The following DPYSL2 variants were observed in gnomAD, a reference collection of about 807,000 sequenced individuals.
DPYSL2 encodes the protein dihydropyrimidinase-related protein 2.
Under a neutral mutation model 69.9 loss-of-function variants are expected in DPYSL2, and 13 were observed. The ratio of observed to expected loss-of-function variants is 0.19; its 90% confidence interval spans 0.12 to 0.30. DPYSL2 has a LOEUF of 0.30. Ranked by LOEUF, DPYSL2 falls within the 10% of genes least tolerant of loss-of-function variation. The pLI is 1.00. For missense variants in DPYSL2, 587 were observed against 918.9 expected (o/e 0.64, Z 4.67); for synonymous variants, 326 against 359.1 (o/e 0.91, Z 1.04).
chr8:26,548,068 A>G, intron 1 of DPYSL2: 1 of 243,510 alleles, frequency 4.1e-6, no homozygotes, highest in Non-Finnish European at 8.5e-6. Context: ...TGGATCCAGC[A>G]TCTGATCCCC....
rs1802437810 is a variant in DPYSL2 at position 26,619,693 on chromosome 8, TG to T, written c.629-4446del. The T allele has an allele frequency of 6.6e-6, 1 of 152,234 alleles. No homozygotes were observed. The highest frequency in any genetic ancestry group is 2.1e-4 in the South Asian group (1 of 4,834). The allele number at this position is 152,234 out of a possible 1,614,324, so 9.4% of individuals were successfully genotyped here. ...TCTGGACCTGCAGCGTCAGAAACTCTGGGGTAAGGTCTGGGAACCTGTGTTT... is the reference window on the plus strand; with the variant it reads ...TCTGGACCTGCAGCGTCAGAAACTCTGGGTAAGGTCTGGGAACCTGTGTTT... On this transcript the variant is annotated intron_variant, in intron 3 of 13. Coordinates refer to ENST00000521913, the MANE Select transcript of DPYSL2 (RefSeq NM_001197293.3). This position sits in a 1 kb window ranked among gnomAD's most constrained non-coding sequence, Gnocchi z 4.8.
At chr8:26,543,853 C>T (rs34082400) in intron 1 of DPYSL2, among the ~76,000 whole-genome samples, 12,671 of 152,172 alleles carry the variant, frequency 0.083, 723 homozygotes, top group Non-Finnish European at 0.12. Context: ...ACTTTCAGGC[C>T]GGGCTGGTCT....
At chr8:26,615,816 G>A (rs1379171938) in intron 3 of DPYSL2, among the ~76,000 whole-genome samples, 1 of 152,172 alleles carries the variant, frequency 6.6e-6, no homozygotes, top group Non-Finnish European at 1.5e-5. Context: ...CCAGCTCTTA[G>A]GAAAATGCTT....
chr8:26,556,419 T>G (rs1800988398), intron 1 of DPYSL2, among the ~76,000 whole-genome samples: 1 of 119,358 alleles, frequency 8.4e-6, no homozygotes, highest in South Asian at 2.5e-4. Context: ...TATATGTAAT[T>G]GTCTATGTAA....
rs868020599 is a variant in DPYSL2 at position 26,514,768 on chromosome 8, G to A, written c.354+89G>A. On this transcript the variant is annotated intron_variant, in intron 1 of 13. Transcript: ENST00000521913. This position sits in a 1 kb window ranked among gnomAD's most constrained non-coding sequence, Gnocchi z 8.4. ...CTGAGCCCGGCGCGCCCGCCTTCAT[G>A]CCCCGCCCTGGACCTCGCCTCCCGC... The A allele has an allele frequency of 8.4e-7, 1 of 1,188,430 alleles. No individual in the cohort carries two copies. Among genetic ancestry groups the A allele is most frequent in the Non-Finnish European group, 1.1e-6 (1 of 905,096 alleles). 73.6% of individuals were successfully genotyped at this position (1,188,430 alleles called of 1,614,324 possible). A position where few individuals can be genotyped will look rare whatever the true frequency, so the allele number is the denominator to read the frequency against.
At chr8:26,646,961 T>C (rs1323895742) in intron 10 of DPYSL2, among the ~76,000 whole-genome samples, 1 of 150,736 alleles carries the variant, frequency 6.6e-6, no homozygotes, top group Admixed American at 6.6e-5. Flanking sequence ...CTAGCCTCAA[T>C]GACAGCAAGA....
chr8:26,624,421 C>T lies in DPYSL2; in HGVS notation c.793+114C>T. 1 of 1,337,744 alleles carries T rather than the reference C, an allele frequency of 7.5e-7. No individual in the cohort carries two copies. The highest frequency in any genetic ancestry group is 1.4e-5 in the South Asian group (1 of 72,946). 82.9% of individuals were successfully genotyped at this position (1,337,744 alleles called of 1,614,324 possible). A position where few individuals can be genotyped will look rare whatever the true frequency, so the allele number is the denominator to read the frequency against. The stretch of plus-strand genomic sequence containing the variant: ...CCAGATCCCATTTGTGCCTCATGCC[C>T]ATGCCTGCCCCTGGGAAGGAGAGAG... On this transcript the variant is annotated intron_variant, in intron 4 of 13. Coordinates refer to ENST00000521913, the MANE Select transcript of DPYSL2 (RefSeq NM_001197293.3). The surrounding 1 kb of genome is among the most constrained non-coding windows in gnomAD (Gnocchi z 4.7).
In DPYSL2 at chr8:26,531,499, C is replaced by T. The variant is rs553287140; in HGVS notation, c.354+16820C>T. On this transcript the variant is annotated intron_variant, in intron 1 of 13. Transcript: ENST00000521913. ...GATGAGATCAGTCAGGGAGAATGTG[C>T]GAGGTGGTAGAAAGAACATGGATGT... Among the ~76,000 whole-genome samples the T allele has an allele frequency of 1.1e-4, 17 of 152,162 alleles. No individual in the cohort carries two copies. The East Asian group carries it at 3.3e-3, about 29-fold the overall frequency.
At chr8:26,539,929 C>T (rs555120407) in intron 1 of DPYSL2, among the ~76,000 whole-genome samples, 2 of 152,228 alleles carry the variant, frequency 1.3e-5, no homozygotes, top group East Asian at 3.9e-4. Context: ...GACACCAACA[C>T]CAACATATGG....
intron 1 of DPYSL2, among the ~76,000 whole-genome samples, chr8:26,547,266 G>T (rs924306700): frequency 8.6e-5 from 13 of 151,994 alleles, no homozygotes; most frequent in Admixed American, 2.0e-4. Flanking sequence ...GGGTGGCTGA[G>T]GCAAGAAAAC....
chr8:26,607,504 G>C (rs529991691), intron 3 of DPYSL2, among the ~76,000 whole-genome samples: 1 of 136,990 alleles, frequency 7.3e-6, no homozygotes, highest in Non-Finnish European at 1.6e-5. Flanking sequence ...AAAAATCATT[G>C]TGGGGCTGGG....
At position 26,595,682 on chromosome 8, in the gene DPYSL2, G is replaced by A. The variant is rs141162614; in HGVS notation, c.628+11699G>A. Among the ~76,000 whole-genome samples, 179 of 152,358 alleles carry A rather than the reference G, an allele frequency of 1.2e-3. 2 individuals carry two copies. The highest frequency in any genetic ancestry group is 3.8e-3 in the African/African-American group (157 of 41,586). On this transcript the variant is annotated intron_variant, in intron 3 of 13. Transcript: ENST00000521913. ...AGTATTGGTGACAAATTCTTCCCCAGTGGGTGTTTCGGCTAAGGAAGCATT... is the reference window on the plus strand; with the variant it reads ...AGTATTGGTGACAAATTCTTCCCCAATGGGTGTTTCGGCTAAGGAAGCATT...
intron 3 of DPYSL2, among the ~76,000 whole-genome samples, chr8:26,596,828 G>A (rs1436963572): frequency 1.3e-5 from 2 of 152,204 alleles, no homozygotes; most frequent in South Asian, 2.1e-4. Flanking sequence ...AGGAACGTTT[G>A]TTTTGTAGCA....
chr8:26,514,817 C>T lies in DPYSL2; in HGVS notation c.354+138C>T. 5.1e-6 allele frequency: 4 copies of T among 791,336 alleles called. No homozygotes were observed. Among genetic ancestry groups the T allele is most frequent in the Non-Finnish European group, 7.2e-6 (4 of 551,826 alleles). The allele number at this position is 791,336 out of a possible 1,614,324, so 49.0% of individuals were successfully genotyped here. A position where few individuals can be genotyped will look rare whatever the true frequency, so the allele number is the denominator to read the frequency against. ...GCATCTGCACGCGCACCCCGCCCTA[C>T]CCGCCCCTTCTCCGCGCAGGGTGCG... On this transcript the variant is annotated intron_variant, in intron 1 of 13. Coordinates refer to ENST00000521913, the MANE Select transcript of DPYSL2 (RefSeq NM_001197293.3). This position sits in a 1 kb window ranked among gnomAD's most constrained non-coding sequence, Gnocchi z 8.4.
intron 3 of DPYSL2, among the ~76,000 whole-genome samples, chr8:26,595,452 C>A (rs951159053): frequency 6.6e-6 from 1 of 152,136 alleles, no homozygotes. Context: ...GAATTTTCAG[C>A]CTTTTTTGGC....
Position 26,653,276 on chromosome 8 carries a change from T to C in DPYSL2, c.1821T>C (p.Pro607=), listed in dbSNP as rs708621. Residue 607 remains proline, a synonymous_variant, in exon 13 of 14, where the codon CCT becomes CCC. Coordinates refer to ENST00000521913, the MANE Select transcript of DPYSL2 (RefSeq NM_001197293.3). The surrounding 1 kb of genome is among the most constrained non-coding windows in gnomAD (Gnocchi z 5.7). ...RGVPRGLYDG[P]VCEVSVTPKT... is the part of the protein sequence containing the mutation. ...TTCCTCGTGGCCTGTATGACGGACC[T>C]GTGTGTGAAGTGTCTGTGACGCCCA... 1,080,619 of 1,613,874 alleles carry C rather than the reference T, an allele frequency of 0.67. 369,024 individuals are homozygous for C. The highest frequency in any genetic ancestry group is 0.77 in the African/African-American group (57,896 of 74,954).
At chr8:26,612,291 T>G (rs1287309029) in intron 3 of DPYSL2, among the ~76,000 whole-genome samples, 1 of 152,226 alleles carries the variant, frequency 6.6e-6, no homozygotes, top group Non-Finnish European at 1.5e-5. Flanking sequence ...TGTGGCCATC[T>G]GTATGAAGAA....
intron 1 of DPYSL2, among the ~76,000 whole-genome samples, chr8:26,569,720 T>C (rs370856138): frequency 1.3e-5 from 2 of 151,764 alleles, no homozygotes; most frequent in African/African-American, 4.8e-5. Flanking sequence ...AGAGTAGGAG[T>C]ACATGGGCTG....
chr8:26,611,743 C>T (rs1054371455), intron 3 of DPYSL2, among the ~76,000 whole-genome samples: 3 of 152,210 alleles, frequency 2.0e-5, no homozygotes, highest in Admixed American at 6.5e-5. Context: ...GCCACGATTT[C>T]GTCATCCTGC....
Sources: allele counts gnomAD v4.1 joint callset (sites outside exome capture counted in the v4.1 genomes callset), GRCh38; gene constraint gnomAD v4.1.1; non-coding constraint Gnocchi (gnomAD v3.1); transcripts MANE v1.5; gene names NCBI Gene and HGNC (gene_info 2026-07-23, HGNC 2026-07-21).